The following SUSD4 variants were observed in gnomAD, a reference collection of about 807,000 sequenced individuals.
SUSD4 encodes the protein sushi domain-containing protein 4.
SUSD4 carries 41 observed loss-of-function variants against 50.5 expected under a neutral mutation model. That is an observed-to-expected ratio of 0.81 (90% CI 0.63 to 1.05). SUSD4 has a LOEUF of 1.05. Ranked by LOEUF, SUSD4 falls within the 50% of genes least tolerant of loss-of-function variation. The pLI is 0.00. For synonymous variants in SUSD4, 257 were observed against 257.3 expected (o/e 1.00, Z 0.01); for missense variants, 580 against 634.7 (o/e 0.91, Z 0.93).
rs1479258255 is a variant in SUSD4, at chr1:223,271,700, C to A, written c.362-3025G>T. On this transcript the variant is annotated intron_variant, in intron 3 of 8. Coordinates refer to ENST00000366878, the MANE Select transcript of SUSD4 (RefSeq NM_017982.4). The stretch of plus-strand genomic sequence containing the variant: ...AGAGCCTTTATGATTTCTTTACCCA[C>A]AAAGTCTGGCATCTGATCCTCCCCC... Among the ~76,000 whole-genome samples, 6 of 152,126 alleles carry A rather than the reference C, an allele frequency of 3.9e-5. No individual in the cohort carries two copies. In the East Asian group the frequency reaches 1.2e-3, roughly 29 times the overall value.
intron 2 of SUSD4, among the ~76,000 whole-genome samples, chr1:223,319,598 G>A (rs1008130559): frequency 6.6e-6 from 1 of 152,122 alleles, no homozygotes; most frequent in Admixed American, 6.5e-5. Flanking sequence ...AGGACACACT[G>A]AAAATTCACC....
At chr1:223,302,901 T>C (rs1041149418) in intron 2 of SUSD4, among the ~76,000 whole-genome samples, 2 of 152,170 alleles carry the variant, frequency 1.3e-5, no homozygotes, top group Non-Finnish European at 2.9e-5. Context: ...GATTGCTTTA[T>C]AAAAATTCAT....
At position 223,229,078 on chromosome 1, in the gene SUSD4, C is replaced by T. The variant is rs996095843; in HGVS notation, c.916+119G>A. On this transcript the variant is annotated intron_variant, in intron 6 of 8. Transcript: ENST00000366878. This position sits in a 1 kb window ranked among gnomAD's most constrained non-coding sequence, Gnocchi z 4.7. ...GACCCGCAATGATATGTTTCGATATCCTGTTCCTGACACTGGGTGGGGGAG... is the reference window on the plus strand; with the variant it reads ...GACCCGCAATGATATGTTTCGATATTCTGTTCCTGACACTGGGTGGGGGAG... The T allele has an allele frequency of 2.1e-5, 22 of 1,062,506 alleles. No individual in the cohort carries two copies. Among genetic ancestry groups the T allele is most frequent in the Middle Eastern group, 3.2e-4 (1 of 3,164 alleles). The allele number at this position is 1,062,506 out of a possible 1,614,324, so 65.8% of individuals were successfully genotyped here. A position where few individuals can be genotyped will look rare whatever the true frequency, so the allele number is the denominator to read the frequency against.
At chr1:223,360,866 G>A (rs1429159503) in intron 2 of SUSD4, among the ~76,000 whole-genome samples, 1 of 152,182 alleles carries the variant, frequency 6.6e-6, no homozygotes, top group Non-Finnish European at 1.5e-5. Flanking sequence ...CTGAAGATTA[G>A]ATATTGGGTG....
Position 223,363,352 on chromosome 1 carries a change from G to A in SUSD4, c.74C>T (p.Ser25Phe), listed in dbSNP as rs748583497. 3.0e-5 allele frequency: 48 copies of A among 1,607,586 alleles called. No individual in the cohort carries two copies. The highest frequency in any genetic ancestry group is 4.1e-5 in the Non-Finnish European group (48 of 1,177,432). Residue 25 changes from serine (S) to phenylalanine (F), a missense_variant, in exon 2 of 9, where the codon TCC becomes TTC. Coordinates refer to ENST00000366878, the MANE Select transcript of SUSD4 (RefSeq NM_017982.4). ...EQQQQQQQPQ[S>F]PQRLLAVILW... ...GATCACGGCCAAGAGTCTCTGGGGG[G>A]ACTGAGGTTGCTGCTGCTGCTGCTG...
intron 5 of SUSD4, among the ~76,000 whole-genome samples, chr1:223,262,401 TGAG>T (rs1213104937): frequency 6.6e-6 from 1 of 152,122 alleles, no homozygotes; most frequent in Non-Finnish European, 1.5e-5. Context: ...GACAGAAAGA[TGAG>T]GAGTTAAAAG....
At chr1:223,336,369 T>C (rs1462095390) in intron 2 of SUSD4, among the ~76,000 whole-genome samples, 2 of 152,216 alleles carry the variant, frequency 1.3e-5, no homozygotes. Context: ...CAATAGGTAA[T>C]AGCTACAATT....
chr1:223,360,409 T>G (rs1352038183), intron 2 of SUSD4: 3 of 317,744 alleles, frequency 9.4e-6, no homozygotes, highest in Non-Finnish European at 2.0e-5. Flanking sequence ...TATGAGTTCT[T>G]GCACAGCATT....
chr1:223,223,421 T>G lies in SUSD4; in HGVS notation c.1272A>C (p.Pro424=). 3 of 1,613,960 alleles carry G rather than the reference T, an allele frequency of 1.9e-6. No homozygotes were observed. The highest frequency in any genetic ancestry group is 2.5e-6 in the Non-Finnish European group (3 of 1,179,910). Residue 424 remains proline (P), a synonymous_variant, in exon 8 of 9, where the codon CCA becomes CCC. Transcript: ENST00000366878. ...CGCTGTCACAGGTTTCTGACTCCCCTGGGCCTGTGTCCGTGTCCCCTGAGC... is the reference window on the plus strand; with the variant it reads ...CGCTGTCACAGGTTTCTGACTCCCCGGGGCCTGTGTCCGTGTCCCCTGAGC... ...YPGSGDTDTG[P]GESETCDSVS...
chr1:223,351,549 T>C (rs1668366878), intron 2 of SUSD4, among the ~76,000 whole-genome samples: 1 of 152,040 alleles, frequency 6.6e-6, no homozygotes, highest in Non-Finnish European at 1.5e-5. Flanking sequence ...AAGGACCATC[T>C]GAGAGTCACA....
At chr1:223,285,829 G>A (rs777828825) in intron 3 of SUSD4, among the ~76,000 whole-genome samples, 3 of 152,128 alleles carry the variant, frequency 2.0e-5, no homozygotes, top group Admixed American at 6.5e-5. Flanking sequence ...CACACACACC[G>A]GGAATTACTT....
At chr1:223,338,523 A>G (rs1428212501) in intron 2 of SUSD4, among the ~76,000 whole-genome samples, 1 of 152,236 alleles carries the variant, frequency 6.6e-6, no homozygotes, top group Non-Finnish European at 1.5e-5. Context: ...GGATGCAATC[A>G]AATATGTGTT....
chr1:223,337,859 T>C (rs1667544436), intron 2 of SUSD4, among the ~76,000 whole-genome samples: 1 of 152,016 alleles, frequency 6.6e-6, no homozygotes, highest in Non-Finnish European at 1.5e-5. Context: ...CCAAACCCCT[T>C]AAGAAAGACA....
rs1004593648 is a variant in SUSD4, at chr1:223,235,678, T to G, written c.725-6290A>C. 5.3e-5 allele frequency among the ~76,000 whole-genome samples: 8 copies of G among 152,226 alleles called. No homozygotes were observed. In the South Asian group the frequency reaches 1.2e-3, roughly 24 times the overall value. ...TATGCATTTGAAGTTTCTTCATATC[T>G]TTTCATGGTTTGAAGGTTAATTTAT... On this transcript the variant is annotated intron_variant, in intron 5 of 8. Coordinates refer to ENST00000366878, the MANE Select transcript of SUSD4 (RefSeq NM_017982.4).
At chr1:223,277,304 ATTT>A (rs3036647) in intron 3 of SUSD4, among the ~76,000 whole-genome samples, 3 of 150,908 alleles carry the variant, frequency 2.0e-5, no homozygotes, top group Admixed American at 6.6e-5. Context: ...AATGGATGAT[ATTT>A]TTTTTTTTTC....
At chr1:223,235,123 T>A (rs762580758) in intron 5 of SUSD4, 61 of 1,582,044 alleles carry the variant, frequency 3.9e-5, no homozygotes, top group Non-Finnish European at 5.0e-5. Context: ...AGTGTAAATA[T>A]GAAAACATAA....
At chr1:223,257,718 A>G (rs1237387230) in intron 5 of SUSD4, among the ~76,000 whole-genome samples, 2 of 151,892 alleles carry the variant, frequency 1.3e-5, no homozygotes, top group East Asian at 3.8e-4. Context: ...AGTTTATCAG[A>G]GGATGGACCC....
rs186786599 is a variant in SUSD4, at chr1:223,340,494, G to A, written c.148+22784C>T. ...GAGAAGAGACAGGAAAAGTGTCCTGGAGAAGGGAAGGCTTTGAGAGTAGTG... is the reference window on the plus strand; with the variant it reads ...GAGAAGAGACAGGAAAAGTGTCCTGAAGAAGGGAAGGCTTTGAGAGTAGTG... On this transcript the variant is annotated intron_variant, in intron 2 of 8. Transcript: ENST00000366878. 3.9e-5 allele frequency among the ~76,000 whole-genome samples: 6 copies of A among 152,326 alleles called. No individual in the cohort carries two copies. In the East Asian group the frequency reaches 7.7e-4, roughly 20 times the overall value.
intron 5 of SUSD4, chr1:223,234,845 G>C (rs1660107207): frequency 7.2e-7 from 1 of 1,387,812 alleles, no homozygotes; most frequent in Admixed American, 2.9e-5. Flanking sequence ...AATGCCAGTT[G>C]GTTCTTCCCT....
Sources: gnomAD v4.1 joint callset for allele counts (sites outside exome capture counted in the v4.1 genomes callset) on GRCh38, gnomAD v4.1.1 for gene constraint, Gnocchi (gnomAD v3.1) non-coding constraint, MANE v1.5 for transcripts, NCBI Gene and HGNC (gene_info 2026-07-23, HGNC 2026-07-21) for gene names.